Variants in ELOVL7 observed in about 807,000 individuals in gnomAD.
ELOVL7 encodes ELOVL fatty acid elongase 7.
ELOVL7 carries 27 observed loss-of-function variants against 35.7 expected under a neutral mutation model. The ratio of observed to expected loss-of-function variants is 0.76; its 90% CI spans 0.56 to 1.04. ELOVL7 has a LOEUF of 1.04. Among genes scored for constraint, ELOVL7 ranks in the 50% least tolerant of loss-of-function variants. ELOVL7 has a pLI of 0.00. For synonymous variants in ELOVL7, 113 were observed against 114.6 expected (o/e 0.99, Z 0.09); for missense variants, 327 against 340.8 (o/e 0.96, Z 0.32).
chr5:60,760,356 T>C (rs1413517619), intron 7 of ELOVL7, among the ~76,000 whole-genome samples: 4 of 152,216 alleles, frequency 2.6e-5, no homozygotes, highest in African/African-American at 4.8e-5. Context: ...CAGTATCTCA[T>C]TGTGGTTTTG....
At chr5:60,820,903 A>G (rs1745843942) in intron 1 of ELOVL7, among the ~76,000 whole-genome samples, 1 of 152,126 alleles carries the variant, frequency 6.6e-6, no homozygotes, top group South Asian at 2.1e-4. Context: ...AAGGAAGTGA[A>G]CTAATAAGTT....
intron 3 of ELOVL7, chr5:60,784,075 A>G: frequency 1.8e-6 from 2 of 1,104,876 alleles, no homozygotes; most frequent in East Asian, 5.1e-5. Flanking sequence ...GAGCATAGGG[A>G]AAGTAGAATG....
intron 1 of ELOVL7, among the ~76,000 whole-genome samples, chr5:60,843,098 A>G (rs1747273972): frequency 6.6e-6 from 1 of 152,148 alleles, no homozygotes; most frequent in African/African-American, 2.4e-5. Context: ...AATAAAGGGT[A>G]ATCCGAGAGC....
intron 1 of ELOVL7, among the ~76,000 whole-genome samples, chr5:60,834,675 T>C (rs1356116187): frequency 6.6e-6 from 1 of 152,062 alleles, no homozygotes; most frequent in Non-Finnish European, 1.5e-5. Context: ...GAGTTGATTA[T>C]ATACCATTAG....
At chr5:60,768,202 A>C (rs1561426918) in intron 4 of ELOVL7, among the ~76,000 whole-genome samples, 1 of 152,226 alleles carries the variant, frequency 6.6e-6, no homozygotes, top group Non-Finnish European at 1.5e-5. Context: ...TGTTTTGCTT[A>C]AACAGCAAAT....
At chr5:60,829,892 T>G (rs1161377347) in intron 1 of ELOVL7, among the ~76,000 whole-genome samples, 1 of 152,218 alleles carries the variant, frequency 6.6e-6, no homozygotes, top group East Asian at 1.9e-4. Flanking sequence ...TTGTTTTTAT[T>G]TTAGATGGGT....
chr5:60,764,911 C>T (rs997123778), intron 6 of ELOVL7, among the ~76,000 whole-genome samples: 3 of 152,192 alleles, frequency 2.0e-5, no homozygotes, highest in Middle Eastern at 3.4e-3. Flanking sequence ...AGGTAACACT[C>T]AGAGTGAACG....
chr5:60,824,393 T>C (rs1167350924), intron 1 of ELOVL7, among the ~76,000 whole-genome samples: 1 of 152,062 alleles, frequency 6.6e-6, no homozygotes, highest in African/African-American at 2.4e-5. Context: ...CGTCAAAGTC[T>C]CTAAGGCATG....
At chr5:60,761,464 AAAC>A (rs1741905038) in intron 7 of ELOVL7, among the ~76,000 whole-genome samples, 1 of 152,146 alleles carries the variant, frequency 6.6e-6, no homozygotes, top group African/African-American at 2.4e-5. Flanking sequence ...CCTCAGCGCC[AAAC>A]AACATTTCTG....
In ELOVL7 at chr5:60,803,114, T is replaced by C. The variant is rs572018773; in HGVS notation, c.-85-3884A>G. On this transcript the variant is annotated intron_variant, in intron 1 of 8. Transcript: ENST00000508821. The stretch of plus-strand genomic sequence containing the variant: ...GCCCTTAAATGTCCCTTCCCAGAAT[T>C]GCATCACATGCCAACATTTAAACCA... Among the ~76,000 whole-genome samples, 13 of 152,310 alleles carry C rather than the reference T, an allele frequency of 8.5e-5. No individual in the cohort carries two copies. In the East Asian group the frequency reaches 2.1e-3, roughly 25 times the overall value.
intron 3 of ELOVL7, among the ~76,000 whole-genome samples, chr5:60,775,186 C>T (rs959854849): frequency 6.8e-4 from 103 of 152,294 alleles, no homozygotes; most frequent in African/African-American, 2.4e-3. Flanking sequence ...AGCTCTTCAA[C>T]CCTCAAGCTG....
Position 60,757,588 on chromosome 5 carries a change from G to T in ELOVL7, c.557C>A (p.Ser186Tyr). Residue 186 changes from serine (S) to tyrosine (Y), a missense_variant, in exon 8 of 9, where the codon TCC becomes TAC. Transcript: ENST00000508821. ...LNTAVHVVMY[S>Y]YYGLSALGPA... Reference sequence around the variant, plus strand: ...CCCCAATGCAGAAAGTCCATAGTAGGAATACATGACTACATGTACAGCTGT... The same window carrying T: ...CCCCAATGCAGAAAGTCCATAGTAGTAATACATGACTACATGTACAGCTGT... 6.2e-7 allele frequency: 1 copy of T among 1,612,514 alleles called. No homozygotes were observed. The highest frequency in any genetic ancestry group is 8.5e-7 in the Non-Finnish European group (1 of 1,178,776).
At chr5:60,821,268 A>T (rs1315634305) in intron 1 of ELOVL7, among the ~76,000 whole-genome samples, 1 of 152,208 alleles carries the variant, frequency 6.6e-6, no homozygotes, top group Non-Finnish European at 1.5e-5. Context: ...TCTCTAGCAG[A>T]GCAAAACTGT....
At chr5:60,782,140 T>C (rs1021512823) in intron 3 of ELOVL7, among the ~76,000 whole-genome samples, 2 of 151,980 alleles carry the variant, frequency 1.3e-5, no homozygotes, top group African/African-American at 4.8e-5. Context: ...AACGGATAGA[T>C]GAAAATAATT....
intron 8 of ELOVL7, among the ~76,000 whole-genome samples, chr5:60,755,609 A>G (rs991000948): frequency 2.6e-5 from 4 of 152,152 alleles, no homozygotes; most frequent in African/African-American, 2.4e-5. Context: ...GTGAGCCGAG[A>G]TCGTGCCACT....
At chr5:60,760,466 G>A (rs1372930687) in intron 7 of ELOVL7, among the ~76,000 whole-genome samples, 3 of 152,050 alleles carry the variant, frequency 2.0e-5, no homozygotes, top group African/African-American at 4.8e-5. Context: ...CATGTCCTTC[G>A]CCCACTTTTT....
At position 60,817,195 on chromosome 5, in the gene ELOVL7, CA is replaced by C. The variant is rs1291474163; in HGVS notation, c.-85-17966del. Among the ~76,000 whole-genome samples the C allele has an allele frequency of 1.3e-4, 19 of 149,764 alleles. No individual in the cohort carries two copies. The South Asian group carries it at 3.8e-3, about 30-fold the overall frequency. On this transcript the variant is annotated intron_variant, in intron 1 of 8. Transcript: ENST00000508821. ...AGGAAAACATAAGTATCTCATATCC[CA>C]AAAGGTTACTTTCTCTAATATATAA...
At chr5:60,783,971 A>G (rs1743413346) in intron 3 of ELOVL7, 1 of 585,764 alleles carries the variant, frequency 1.7e-6, no homozygotes, top group South Asian at 2.2e-5. Flanking sequence ...GAGGATGGGA[A>G]GGCAGGCTGT....
chr5:60,754,555 A>G lies in ELOVL7; in HGVS notation c.*69T>C. The G allele has an allele frequency of 7.3e-7, 1 of 1,378,656 alleles. No individual in the cohort carries two copies. The highest frequency in any genetic ancestry group is 1.0e-6 in the Non-Finnish European group (1 of 973,818). The allele number at this position is 1,378,656 out of a possible 1,614,324, so 85.4% of individuals were successfully genotyped here. On this transcript the variant is annotated 3_prime_UTR_variant, in exon 9 of 9. Transcript: ENST00000508821. ...TTGAAAAATATACAAAATGCACTGCATAGGTAAATATCTCTTGATTGTCAA... is the reference window on the plus strand; with the variant it reads ...TTGAAAAATATACAAAATGCACTGCGTAGGTAAATATCTCTTGATTGTCAA...
Sources: allele counts gnomAD v4.1 joint callset (sites outside exome capture counted in the v4.1 genomes callset), GRCh38; gene constraint gnomAD v4.1.1; transcripts MANE v1.5; gene names NCBI Gene and HGNC (gene_info 2026-07-23, HGNC 2026-07-21).